The following CBLB variants were observed in gnomAD, a reference collection of about 807,000 sequenced individuals.
CBLB encodes Cbl proto-oncogene B.
CBLB carries 31 observed loss-of-function variants against 104.9 expected under a neutral mutation model. The ratio of observed to expected loss-of-function variants is 0.30; its 90% CI spans 0.22 to 0.40. CBLB has a LOEUF of 0.40. CBLB is among the 10% of genes least tolerant of loss of function. CBLB has a pLI of 1.00. For missense variants in CBLB, 1,062 were observed against 1,214.6 expected (o/e 0.87, Z 1.87); for synonymous variants, 440 against 422.6 (o/e 1.04, Z -0.51).
At chr3:105,777,938 A>G (rs1310429342) in intron 3 of CBLB, among the ~76,000 whole-genome samples, 2 of 152,240 alleles carry the variant, frequency 1.3e-5, no homozygotes, top group African/African-American at 4.8e-5. Context: ...GTTAAGAAGC[A>G]ATTAAAACAC....
intron 3 of CBLB, among the ~76,000 whole-genome samples, chr3:105,841,123 A>C (rs1226360084): frequency 2.6e-5 from 4 of 151,870 alleles, no homozygotes; most frequent in Non-Finnish European, 5.9e-5. Flanking sequence ...GTGAAACCCT[A>C]TCTCTACAAA....
rs1463937451 is a variant in CBLB at position 105,772,839 on chromosome 3, T to C, written c.566+3557A>G. Among the ~76,000 whole-genome samples, 6 of 152,298 alleles carry C rather than the reference T, an allele frequency of 3.9e-5. No individual in the cohort carries two copies. The South Asian group carries it at 1.2e-3, about 32-fold the overall frequency. On this transcript the variant is annotated intron_variant, in intron 4 of 18. Coordinates refer to ENST00000394030, the MANE Select transcript of CBLB (RefSeq NM_170662.5). The stretch of plus-strand genomic sequence containing the variant: ...AGAAACCACCTTACTTCTGCAACAA[T>C]GACCATAATTAAAAACAATAGATGT...
chr3:105,754,318 A>G (rs2076846850), intron 4 of CBLB, among the ~76,000 whole-genome samples: 1 of 152,160 alleles, frequency 6.6e-6, no homozygotes, highest in Admixed American at 6.6e-5. Flanking sequence ...GAGGAAGTGA[A>G]CCCAGAAAGC....
intron 2 of CBLB, among the ~76,000 whole-genome samples, chr3:105,856,714 T>G (rs2091654888): frequency 6.6e-6 from 1 of 152,170 alleles, no homozygotes; most frequent in Non-Finnish European, 1.5e-5. Flanking sequence ...ATAATAGTAT[T>G]TTTATCTCCA....
chr3:105,678,689 G>A, intron 16 of CBLB, 118 bp from the exon 17 acceptor site: 3 of 1,186,232 alleles, frequency 2.5e-6, no homozygotes, highest in Non-Finnish European at 3.7e-6. Context: ...CACTCGCAGG[G>A]TTTATCCAGC....
intron 4 of CBLB, among the ~76,000 whole-genome samples, chr3:105,765,212 AG>A (rs1560142272): frequency 1.3e-5 from 2 of 152,206 alleles, no homozygotes; most frequent in Admixed American, 1.3e-4. Context: ...TGCTAGGGCT[AG>A]GGAGAAGTCA....
At position 105,737,486 on chromosome 3, in the gene CBLB, C is replaced by T. The variant is rs139692735; in HGVS notation, c.984-228G>A. ...TACATAATGAATATAGCCTAACCCA[C>T]TAAGCAACCATTTTCAATGAAATAC... is the stretch of plus-strand genomic sequence containing the variant. On this transcript the variant is annotated intron_variant, in intron 7 of 18. Transcript: ENST00000394030. Among the ~76,000 whole-genome samples the T allele has an allele frequency of 9.3e-4, 141 of 152,162 alleles. 1 individual carries two copies. Among genetic ancestry groups the T allele is most frequent in the Non-Finnish European group, 8.7e-4 (59 of 67,942 alleles).
At chr3:105,674,846 GA>G (rs1356277488) in intron 17 of CBLB, among the ~76,000 whole-genome samples, 2 of 152,108 alleles carry the variant, frequency 1.3e-5, no homozygotes, top group East Asian at 3.9e-4. Flanking sequence ...TCTGCCAAAA[GA>G]AATCTTACAT....
At chr3:105,702,622 CTAGT>C (rs1262412534) in intron 11 of CBLB, among the ~76,000 whole-genome samples, 163 bp from the exon 12 acceptor site, 1 of 150,890 alleles carries the variant, frequency 6.6e-6, no homozygotes, top group Non-Finnish European at 1.5e-5. Flanking sequence ...GCTTTTATTA[CTAGT>C]TAATGAAATT....
chr3:105,703,293 C>T lies in CBLB; in HGVS notation c.1593+695G>A, dbSNP rs111328201. On this transcript the variant is annotated intron_variant, in intron 11 of 18. Coordinates refer to ENST00000394030, the MANE Select transcript of CBLB (RefSeq NM_170662.5). ...CTTAAAACCAGGTTAACTGGTAATACAGGAAAATCAAACACTACTAAATAT... is the reference window on the plus strand; with the variant it reads ...CTTAAAACCAGGTTAACTGGTAATATAGGAAAATCAAACACTACTAAATAT... Among the ~76,000 whole-genome samples, 840 of 152,184 alleles carry T rather than the reference C, an allele frequency of 5.5e-3. 9 individuals are homozygous for T. Among genetic ancestry groups the T allele is most frequent in the African/African-American group, 0.019 (799 of 41,548 alleles).
Position 105,868,993 on chromosome 3 carries a change from G to C in CBLB, c.-272C>G. 1 of 1,057,384 alleles carries C rather than the reference G, an allele frequency of 9.5e-7. No individual in the cohort carries two copies. Among genetic ancestry groups the C allele is most frequent in the Non-Finnish European group, 1.1e-6 (1 of 874,920 alleles). The allele number at this position is 1,057,384 out of a possible 1,614,324, so 65.5% of individuals were successfully genotyped here. A position where few individuals can be genotyped will look rare whatever the true frequency, so the allele number is the denominator to read the frequency against. ...GACGCCGCAGCAGCACTAGCAGGAG[G>C]AGGAGACCGCTCGCTGGACACCCCA... On this transcript the variant is annotated 5_prime_UTR_variant, in exon 1 of 19. Coordinates refer to ENST00000394030, the MANE Select transcript of CBLB (RefSeq NM_170662.5).
intron 3 of CBLB, among the ~76,000 whole-genome samples, chr3:105,782,154 A>C (rs2080334426): frequency 6.6e-6 from 1 of 152,166 alleles, no homozygotes; most frequent in Non-Finnish European, 1.5e-5. Context: ...GGGTCCTGAC[A>C]GTCTTAAATA....
At chr3:105,702,539 G>C (rs940938335) in intron 11 of CBLB, 80 bp from the exon 12 acceptor site, 2 of 1,363,718 alleles carry the variant, frequency 1.5e-6, no homozygotes, top group Non-Finnish European at 2.0e-6. Context: ...TTCCAAACTA[G>C]TGTATTATTG....
intron 10 of CBLB, among the ~76,000 whole-genome samples, chr3:105,706,149 AT>A (rs946427064): frequency 2.8e-4 from 42 of 152,230 alleles, no homozygotes; most frequent in African/African-American, 9.6e-4. Flanking sequence ...CTCTAAAAAA[AT>A]AATAAAATAA....
intron 6 of CBLB, among the ~76,000 whole-genome samples, chr3:105,741,338 G>A (rs1224588004): frequency 1.3e-5 from 2 of 151,708 alleles, no homozygotes; most frequent in Non-Finnish European, 2.9e-5. Flanking sequence ...ACAGGCGTGT[G>A]CCACGACGCC....
chr3:105,679,708 G>A (rs35748894), intron 16 of CBLB, among the ~76,000 whole-genome samples: 33,375 of 151,588 alleles, frequency 0.22, 3,795 homozygotes, highest in Admixed American at 0.26. Context: ...CCCAGGAGGC[G>A]GAGGCTGCAG....
chr3:105,660,210 G>A (rs183207630), intron 18 of CBLB, among the ~76,000 whole-genome samples: 2 of 152,256 alleles, frequency 1.3e-5, no homozygotes, highest in Non-Finnish European at 2.9e-5. Flanking sequence ...ATGAGATGGA[G>A]TTTTACTCTT....
chr3:105,696,087 TACAC>T (rs912617745), intron 12 of CBLB, among the ~76,000 whole-genome samples: 6 of 150,542 alleles, frequency 4.0e-5, no homozygotes, highest in East Asian at 1.9e-4. Flanking sequence ...TATATACACA[TACAC>T]ACACACACAC....
chr3:105,703,363 T>C (rs2069552661), intron 11 of CBLB, among the ~76,000 whole-genome samples: 1 of 152,166 alleles, frequency 6.6e-6, no homozygotes, highest in African/African-American at 2.4e-5. Context: ...TGTTACCAAA[T>C]AAAATTAATT....
Sources: gnomAD v4.1 joint callset for allele counts (sites outside exome capture counted in the v4.1 genomes callset) on GRCh38, gnomAD v4.1.1 for gene constraint, MANE v1.5 for transcripts, NCBI Gene and HGNC (gene_info 2026-07-23, HGNC 2026-07-21) for gene names.